The following ADGRB1 variants were observed in gnomAD, a reference collection of about 807,000 sequenced individuals.
ADGRB1 encodes the protein brain-specific angiogenesis inhibitor 1.
In ADGRB1, 36 loss-of-function variants were observed where a neutral mutation model predicts 175.7. That is an observed-to-expected ratio of 0.20 (90% CI 0.16 to 0.27). The LOEUF (loss-of-function observed/expected upper bound fraction) is 0.27, where lower values mean the gene tolerates loss of function less well. Ranked by LOEUF, ADGRB1 falls within the 10% of genes least tolerant of loss-of-function variation. The probability of loss-of-function intolerance (pLI) is 1.00; values close to 1 mark genes in which losing one functional copy is unlikely to be tolerated. For missense variants in ADGRB1, 1,731 were observed against 2,255.3 expected (o/e 0.77, Z 4.71); for synonymous variants, 1,054 against 979.4 (o/e 1.08, Z -1.42).
At position 142,450,745 on chromosome 8, in the gene ADGRB1, T is replaced by G. The variant is rs762940972; in HGVS notation, c.-220+641T>G. Among the ~76,000 whole-genome samples the G allele has an allele frequency of 3.9e-4, 59 of 152,246 alleles. 1 individual carries two copies. Among genetic ancestry groups the G allele is most frequent in the Non-Finnish European group, 6.2e-4 (42 of 67,992 alleles). On this transcript the variant is annotated intron_variant, in intron 1 of 30. Coordinates refer to ENST00000517894, the MANE Select transcript of ADGRB1 (RefSeq NM_001702.3). ...TCGCCTGTAGACCTGGCATTGGCAG[T>G]GGAGACTCCCTGGAGGTACTCTCCC...
rs759122784 is a variant in ADGRB1, at chr8:142,475,574, G to C, written c.885G>C (p.Glu295Asp). The C allele has an allele frequency of 3.2e-5, 40 of 1,266,178 alleles. No individual in the cohort carries two copies. The highest frequency in any genetic ancestry group is 3.7e-5 in the Non-Finnish European group (37 of 1,006,408). 78.4% of individuals were successfully genotyped at this position (1,266,178 alleles called of 1,614,324 possible). A position where few individuals can be genotyped will look rare whatever the true frequency, so the allele number is the denominator to read the frequency against. ...TRTCLPAPGV[E>D]GGGCEGVLEE... ...CCTGCCTGCCCGCGCCGGGCGTGGA[G>C]GGCGGCGGCTGCGAGGGGGTGCTGG... is the stretch of plus-strand genomic sequence containing the variant. The change falls in exon 3 of 31, where the codon GAG (glutamate) becomes GAC (aspartate). Residue 295 changes from glutamate (E) to aspartate (D), a missense_variant. Coordinates refer to ENST00000517894, the MANE Select transcript of ADGRB1 (RefSeq NM_001702.3).
intron 2 of ADGRB1, among the ~76,000 whole-genome samples, chr8:142,471,252 A>G (rs1207140056): frequency 1.3e-5 from 2 of 152,214 alleles, no homozygotes; most frequent in African/African-American, 4.8e-5. Flanking sequence ...TGGGCCCACC[A>G]TGCCTTCAGC....
chr8:142,540,157 A>G (rs1364188454), intron 27 of ADGRB1: 1 of 152,278 alleles, frequency 6.6e-6, no homozygotes, highest in Non-Finnish European at 1.5e-5. Flanking sequence ...GGTCATTTAG[A>G]TATTTGAAGA....
intron 11 of ADGRB1, among the ~76,000 whole-genome samples, chr8:142,483,765 C>T (rs1315313870): frequency 7.0e-6 from 1 of 143,280 alleles, no homozygotes; most frequent in Non-Finnish European, 1.5e-5. Flanking sequence ...TGAGCCCTGA[C>T]CCTGGTCACA....
rs374586276 is a variant in ADGRB1 at position 142,474,676 on chromosome 8, G to A, written c.785-798G>A. On this transcript the variant is annotated intron_variant, in intron 2 of 30. Transcript: ENST00000517894. This position sits in a 1 kb window ranked among gnomAD's most constrained non-coding sequence, Gnocchi z 5.8. ...CCCCGGGAGCAGAGACTCCTGGGGCGTGAGGTCTGGTTTGCTAGGGGAACA... is the reference window on the plus strand; with the variant it reads ...CCCCGGGAGCAGAGACTCCTGGGGCATGAGGTCTGGTTTGCTAGGGGAACA... 7.2e-5 allele frequency among the ~76,000 whole-genome samples: 11 copies of A among 152,186 alleles called. No homozygotes were observed. The South Asian group carries it at 8.3e-4, about 11-fold the overall frequency.
chr8:142,478,273 C>T lies in ADGRB1; in HGVS notation c.1474C>T (p.Arg492Cys). ...CTCCCAGGGCCGACAGCAGCGCACG[C>T]GTGAATGCAACGGGCCTTCCTACGG... ...SCSQGRQQRT[R>C]ECNGPSYGGA... Residue 492 changes from arginine to cysteine, a missense_variant, in exon 7 of 31, where the codon CGT (arginine) becomes TGT (cysteine). This residue lies in a region of ADGRB1 where 388 missense variants were observed against 630.9 expected (regional missense o/e 0.61). Transcript: ENST00000517894. 1 of 1,610,444 alleles carries T rather than the reference C, an allele frequency of 6.2e-7. No individual in the cohort carries two copies. The highest frequency in any genetic ancestry group is 8.5e-7 in the Non-Finnish European group (1 of 1,178,952).
Position 142,477,128 on chromosome 8 carries a change from G to T in ADGRB1, c.1072G>T (p.Glu358Ter). The change falls in exon 5 of 31, where the codon GAG (glutamate) becomes TAG (stop). Residue 358 changes from glutamate to a stop codon, truncating the protein, a stop_gained. Coordinates refer to ENST00000517894, the MANE Select transcript of ADGRB1 (RefSeq NM_001702.3). LOFTEE classifies it high-confidence loss of function. ...PAPQTGDPAA[E>*]EWSPWSVCSS... ...GGGGCCTGCAGGTGACCCAGCAGCC[G>T]AGGAGTGGTCCCCGTGGAGCGTGTG... The T allele has an allele frequency of 6.3e-7, 1 of 1,579,930 alleles. No individual in the cohort carries two copies.
chr8:142,522,164 C>T (rs369757378), intron 21 of ADGRB1, 49 bp downstream of exon 21: 26 of 1,584,266 alleles, frequency 1.6e-5, no homozygotes, highest in Admixed American at 8.4e-5. Flanking sequence ...CTTCCTCCCC[C>T]ACTGCTTGTT....
At chr8:142,528,542 C>T in intron 24 of ADGRB1, among the ~76,000 whole-genome samples, 1 of 152,118 alleles carries the variant, frequency 6.6e-6, no homozygotes, top group East Asian at 1.9e-4. Context: ...ATTTCACTTG[C>T]AGTCAGCCGT....
At chr8:142,538,979 GTC>G (rs1359552501) in intron 26 of ADGRB1, among the ~76,000 whole-genome samples, 1 of 152,152 alleles carries the variant, frequency 6.6e-6, no homozygotes. Context: ...CTCACAAACA[GTC>G]TCACACACAC....
intron 19 of ADGRB1, among the ~76,000 whole-genome samples, chr8:142,520,407 A>G (rs62650741): frequency 0.16 from 578 of 3,718 alleles, 1 homozygote; most frequent in Middle Eastern, 0.25. Context: ...TGATGTTGGT[A>G]ATGGTGATAG....
chr8:142,522,502 C>A, intron 21 of ADGRB1, 139 bp from the exon 22 acceptor site: 2 of 852,748 alleles, frequency 2.3e-6, no homozygotes, highest in Non-Finnish European at 3.6e-6. Flanking sequence ...CCTGCCCCAT[C>A]TCTTGCTCAG....
chr8:142,477,884 G>A (rs1434670798), intron 6 of ADGRB1, among the ~76,000 whole-genome samples: 1 of 148,642 alleles, frequency 6.7e-6, no homozygotes, highest in Admixed American at 6.7e-5. Flanking sequence ...TGGGGTGGTG[G>A]CCCCAGGGTG....
chr8:142,478,746 G>A (rs561728644), intron 7 of ADGRB1, among the ~76,000 whole-genome samples: 87 of 149,834 alleles, frequency 5.8e-4, no homozygotes, highest in Non-Finnish European at 8.9e-4. Flanking sequence ...GTAGCGGGGT[G>A]CACAGTGGGA....
At chr8:142,472,713 C>T (rs761728710) in intron 2 of ADGRB1, among the ~76,000 whole-genome samples, 55 of 152,328 alleles carry the variant, frequency 3.6e-4, no homozygotes, top group South Asian at 6.2e-4. Context: ...GGGGATCAGT[C>T]TGTGGCTGGG....
chr8:142,489,181 T>C (rs1428976561), intron 15 of ADGRB1, 71 bp downstream of exon 15: 6 of 1,550,214 alleles, frequency 3.9e-6, no homozygotes, highest in Non-Finnish European at 4.4e-6. Flanking sequence ...AGCCACAGGA[T>C]GTGAAGGGGG....
chr8:142,518,767 T>G (rs1843595248), intron 19 of ADGRB1, among the ~76,000 whole-genome samples: 1 of 152,180 alleles, frequency 6.6e-6, no homozygotes, highest in Non-Finnish European at 1.5e-5. Context: ...CTGTTGAGTG[T>G]GTGGACGCGC....
Position 142,510,022 on chromosome 8 carries a change from C to A in ADGRB1, c.2676-910C>A, listed in dbSNP as rs1035140927. On this transcript the variant is annotated intron_variant, in intron 17 of 30. Coordinates refer to ENST00000517894, the MANE Select transcript of ADGRB1 (RefSeq NM_001702.3). The surrounding 1 kb of genome is among the most constrained non-coding windows in gnomAD (Gnocchi z 6.3). ...ACACGGTGGCTTCCGGACAGGAGGGCTGCCTTGAAGGGTGGGGGAATTCGG... is the reference window on the plus strand; with the variant it reads ...ACACGGTGGCTTCCGGACAGGAGGGATGCCTTGAAGGGTGGGGGAATTCGG... Among the ~76,000 whole-genome samples, 9 of 151,946 alleles carry A rather than the reference C, an allele frequency of 5.9e-5. No individual in the cohort carries two copies. Among genetic ancestry groups the A allele is most frequent in the Admixed American group, 3.9e-4 (6 of 15,260 alleles).
In ADGRB1 at chr8:142,543,815, C is replaced by T. The variant is rs1845430028; in HGVS notation, c.4557+107C>T. 5 of 1,100,482 alleles carry T rather than the reference C, an allele frequency of 4.5e-6. No individual in the cohort carries two copies. The highest frequency in any genetic ancestry group is 2.8e-5 in the South Asian group (2 of 70,908). 68.2% of individuals were successfully genotyped at this position (1,100,482 alleles called of 1,614,324 possible). ...TCATCCATCCATCCATCCATCCATCCATTCGTTCATTCATTCATTCATTCG... is the reference window on the plus strand; with the variant it reads ...TCATCCATCCATCCATCCATCCATCTATTCGTTCATTCATTCATTCATTCG... On this transcript the variant is annotated intron_variant, in intron 30 of 30. Transcript: ENST00000517894. The surrounding 1 kb of genome is among the most constrained non-coding windows in gnomAD (Gnocchi z 4.4).
Sources: gnomAD v4.1 joint callset for allele counts (sites outside exome capture counted in the v4.1 genomes callset) on GRCh38, gnomAD v4.1.1 for gene constraint, gnomAD v4.1.1 regional missense constraint, Gnocchi (gnomAD v3.1) non-coding constraint, MANE v1.5 for transcripts, NCBI Gene and HGNC (gene_info 2026-07-23, HGNC 2026-07-21) for gene names.